Variants in CNTN5 observed in about 807,000 individuals in gnomAD.
CNTN5 encodes the protein contactin-5.
A neutral mutation model predicts 129.1 loss-of-function variants in CNTN5; 77 were observed. That is an observed-to-expected ratio of 0.60 (90% CI 0.50 to 0.72). The LOEUF (loss-of-function observed/expected upper bound fraction) is 0.72, where lower values mean the gene tolerates loss of function less well. Among genes scored for constraint, CNTN5 ranks in the 30% least tolerant of loss-of-function variants. The pLI, the probability that CNTN5 is intolerant of heterozygous loss-of-function variation, is 0.00. For missense variants in CNTN5, 1,478 were observed against 1,328.8 expected, an observed-to-expected ratio of 1.11 and a Z score of -1.75; for synonymous variants, 509 against 465.6, an observed-to-expected ratio of 1.09 and a Z score of -1.20.
intron 6 of CNTN5, among the ~76,000 whole-genome samples, chr11:99,902,243 T>A (rs1389124184): frequency 1.0e-4 from 1 of 9,644 alleles, no homozygotes; most frequent in Non-Finnish European, 2.0e-4. Flanking sequence ...AGCTAAGGAG[T>A]TTTTTTTTTT....
At chr11:100,033,281 T>C (rs984282675) in intron 9 of CNTN5, among the ~76,000 whole-genome samples, 1 of 151,988 alleles carries the variant, frequency 6.6e-6, no homozygotes, top group African/African-American at 2.4e-5. Context: ...GAGGTGAGAG[T>C]GAGGCAGGAA....
intron 9 of CNTN5, among the ~76,000 whole-genome samples, chr11:100,053,387 A>G (rs1943059674): frequency 1.3e-5 from 2 of 151,698 alleles, no homozygotes; most frequent in African/African-American, 4.8e-5. Context: ...TAATTCTTAC[A>G]TTTAATGCTG....
chr11:99,089,172 T>C (rs554746091), intron 1 of CNTN5, among the ~76,000 whole-genome samples: 1 of 152,198 alleles, frequency 6.6e-6, no homozygotes, highest in East Asian at 1.9e-4. Flanking sequence ...TTGTGTCTAA[T>C]CTTAATTCCA....
At chr11:99,723,012 C>A (rs1365834247) in intron 3 of CNTN5, among the ~76,000 whole-genome samples, 2 of 151,642 alleles carry the variant, frequency 1.3e-5, no homozygotes, top group Non-Finnish European at 2.9e-5. Flanking sequence ...TTTTTTTCAG[C>A]TCATGCACTC....
At chr11:99,591,053 G>T (rs1949963389) in intron 3 of CNTN5, among the ~76,000 whole-genome samples, 1 of 152,108 alleles carries the variant, frequency 6.6e-6, no homozygotes. Flanking sequence ...CCCACTGTGT[G>T]TGAGGATCAC....
In CNTN5 at chr11:99,615,556, T is replaced by C. The variant is rs12577830; in HGVS notation, c.55+59287T>C. Among the ~76,000 whole-genome samples, 746 of 152,240 alleles carry C rather than the reference T, an allele frequency of 4.9e-3. 20 individuals are homozygous for C. The East Asian group carries it at 0.091, about 19-fold the overall frequency. ...AAACTGACTTGTTCTTTTGATTTACTTTTCTTTTGGGGCTTTTTGTTTTGA... is the reference window on the plus strand; with the variant it reads ...AAACTGACTTGTTCTTTTGATTTACCTTTCTTTTGGGGCTTTTTGTTTTGA... On this transcript the variant is annotated intron_variant, in intron 3 of 24. Coordinates refer to ENST00000524871, the MANE Select transcript of CNTN5 (RefSeq NM_014361.4).
chr11:99,978,245 C>T (rs1425162528), intron 8 of CNTN5, among the ~76,000 whole-genome samples: 1 of 152,110 alleles, frequency 6.6e-6, no homozygotes, highest in Non-Finnish European at 1.5e-5. Context: ...GTCTTTTAAG[C>T]TGTGTCATAA....
intron 13 of CNTN5, among the ~76,000 whole-genome samples, chr11:100,125,173 G>GA (rs1276857093): frequency 6.6e-6 from 1 of 151,926 alleles, no homozygotes; most frequent in Non-Finnish European, 1.5e-5. Flanking sequence ...ATTCTTTCCA[G>GA]TTTTTTTCAA....
intron 1 of CNTN5, among the ~76,000 whole-genome samples, chr11:99,122,377 G>A (rs759452852): frequency 2.6e-5 from 4 of 151,996 alleles, no homozygotes; most frequent in Admixed American, 6.6e-5. Flanking sequence ...TACATCTTAG[G>A]AAAGCTTAAA....
At chr11:99,260,450 A>G (rs910706221) in intron 1 of CNTN5, among the ~76,000 whole-genome samples, 2 of 151,862 alleles carry the variant, frequency 1.3e-5, no homozygotes, top group African/African-American at 2.4e-5. Context: ...TAGAAAGGGT[A>G]AAGTCAATAT....
At chr11:100,038,333 C>T (rs1273757383) in intron 9 of CNTN5, among the ~76,000 whole-genome samples, 4 of 152,102 alleles carry the variant, frequency 2.6e-5, no homozygotes, top group African/African-American at 9.7e-5. Context: ...GTCTGAGAGA[C>T]AGTTTGTTAT....
chr11:100,219,153 T>C (rs1014916310), intron 15 of CNTN5, among the ~76,000 whole-genome samples: 3 of 152,158 alleles, frequency 2.0e-5, no homozygotes, highest in African/African-American at 7.2e-5. Flanking sequence ...AAAGCTCAGA[T>C]GTAGGTATGA....
At chr11:99,376,251 A>G (rs970279747) in intron 2 of CNTN5, among the ~76,000 whole-genome samples, 1 of 152,184 alleles carries the variant, frequency 6.6e-6, no homozygotes, top group Non-Finnish European at 1.5e-5. Flanking sequence ...CAGAATCAAC[A>G]ATCCCAAAAT....
At chr11:99,584,936 A>T (rs1366657927) in intron 3 of CNTN5, among the ~76,000 whole-genome samples, 2 of 76,914 alleles carry the variant, frequency 2.6e-5, no homozygotes, top group African/African-American at 5.3e-5. Context: ...AACTAACAAG[A>T]TCTGTTGCCA....
intron 2 of CNTN5, among the ~76,000 whole-genome samples, chr11:99,462,947 A>G (rs1944773150): frequency 6.6e-6 from 1 of 151,492 alleles, no homozygotes. Flanking sequence ...AAAACAAAAC[A>G]AACAAAAAAA....
intron 3 of CNTN5, among the ~76,000 whole-genome samples, chr11:99,713,941 T>A (rs1258999707): frequency 6.6e-6 from 1 of 151,936 alleles, no homozygotes; most frequent in East Asian, 1.9e-4. Flanking sequence ...CTTAATAGAA[T>A]TCTTAGATTT....
At chr11:99,801,523 G>A (rs1163797568) in intron 3 of CNTN5, among the ~76,000 whole-genome samples, 3 of 152,070 alleles carry the variant, frequency 2.0e-5, no homozygotes, top group East Asian at 3.8e-4. Context: ...TCTTAAATAT[G>A]TTTTCCAGAT....
At chr11:99,629,897 A>G (rs1377534780) in intron 3 of CNTN5, among the ~76,000 whole-genome samples, 1 of 151,808 alleles carries the variant, frequency 6.6e-6, no homozygotes, top group Non-Finnish European at 1.5e-5. Flanking sequence ...AATATTTGAT[A>G]AAAATAATAC....
Position 99,845,146 on chromosome 11 carries a change from A to T in CNTN5, c.461A>T (p.Asp154Val). The T allele has an allele frequency of 6.2e-7, 1 of 1,613,808 alleles. No homozygotes were observed. The highest frequency in any genetic ancestry group is 8.5e-7 in the Non-Finnish European group (1 of 1,179,834). The part of the protein sequence containing the change: ...LESDYRYSLI[D>V]GTFIISNPSE... ...AGTGATTATCGCTACAGTTTGATAGATGGCACCTTCATTATAAGCAATCCA... is the reference window on the plus strand; with the variant it reads ...AGTGATTATCGCTACAGTTTGATAGTTGGCACCTTCATTATAAGCAATCCA... Residue 154 changes from aspartate to valine, a missense_variant, in exon 6 of 25, where the codon GAT becomes GTT. By Grantham distance (152) the Asp-to-Val change is radical. Coordinates refer to ENST00000524871, the MANE Select transcript of CNTN5 (RefSeq NM_014361.4).
Sources: allele counts gnomAD v4.1 joint callset (sites outside exome capture counted in the v4.1 genomes callset), GRCh38; gene constraint gnomAD v4.1.1; transcripts MANE v1.5; gene names NCBI Gene and HGNC (gene_info 2026-07-23, HGNC 2026-07-21).